Variants in RIN2 observed in about 807,000 individuals in gnomAD.
RIN2 encodes the protein Ras and Rab interactor 2.
RIN2 carries 36 observed loss-of-function variants against 78.0 expected under a neutral mutation model. That is an observed-to-expected ratio of 0.46 (90% CI 0.35 to 0.61). RIN2 has a LOEUF of 0.61. Ranked by LOEUF, RIN2 falls within the 20% of genes least tolerant of loss-of-function variation. RIN2 has a pLI of 0.00. For synonymous variants in RIN2, 466 were observed against 466.8 expected (o/e 1.00, Z 0.02); for missense variants, 1,087 against 1,159.7 (o/e 0.94, Z 0.91).
At position 20,000,895 on chromosome 20, in the gene RIN2, A is replaced by G. The variant is rs2146440842; in HGVS notation, c.2647A>G (p.Ile883Val). 1 of 1,613,492 alleles carries G rather than the reference A, an allele frequency of 6.2e-7. No homozygotes were observed. The highest frequency in any genetic ancestry group is 8.5e-7 in the Non-Finnish European group (1 of 1,179,518). Reference sequence around the variant, plus strand: ...ACGCATCAAGAACGATCCTTATGGCATCATTTTCCAGAACGGGGAAGAAGA... The same window carrying G: ...ACGCATCAAGAACGATCCTTATGGCGTCATTTTCCAGAACGGGGAAGAAGA... ...YKRIKNDPYGIIFQNGEEDLT... is the reference protein window; with the variant it reads ...YKRIKNDPYGVIFQNGEEDLT... The change falls in exon 13 of 13, where the codon ATC becomes GTC. Residue 883 changes from isoleucine (I) to valine (V), a missense_variant. Around this residue, in one of 8 missense-constraint regions of RIN2, gnomAD observed 160 missense variants for 179.4 expected, o/e 0.89. Coordinates refer to ENST00000255006, the MANE Select transcript of RIN2 (RefSeq NM_018993.4).
rs2042238535 is a variant in RIN2, at chr20:19,975,229, G to A, written c.1204G>A (p.Glu402Lys). The A allele has an allele frequency of 3.5e-5, 56 of 1,586,258 alleles. No individual in the cohort carries two copies. The highest frequency in any genetic ancestry group is 4.5e-5 in the Non-Finnish European group (52 of 1,166,502). The change falls in exon 9 of 13, where the codon GAG becomes AAG. Residue 402 changes from glutamate to lysine, a missense_variant. Around this residue, in one of 8 missense-constraint regions of RIN2, gnomAD observed 706 missense variants for 667.5 expected, o/e 1.06. Coordinates refer to ENST00000255006, the MANE Select transcript of RIN2 (RefSeq NM_018993.4). This position sits in a 1 kb window ranked among gnomAD's most constrained non-coding sequence, Gnocchi z 4.9. ...TGGCAGCCCAGGTGGGGCCCCGCCT[G>A]AGGCCGCCCCGGGGGATTGCACAAG... ...TAGSPGGAPP[E>K]AAPGDCTRAP...
rs908072671 is a variant in RIN2 at position 19,788,450 on chromosome 20, C to CAAAA, written c.-162-11170_-162-11169insAAAA. Among the ~76,000 whole-genome samples, 14 of 103,510 alleles carry CAAAA rather than the reference C, an allele frequency of 1.4e-4. 1 individual carries two copies. Among genetic ancestry groups the CAAAA allele is most frequent in the African/African-American group, 7.6e-4 (13 of 17,030 alleles). 67.9% of individuals were successfully genotyped at this position (103,510 alleles called of 152,430 possible). A position where few individuals can be genotyped will look rare whatever the true frequency, so the allele number is the denominator to read the frequency against. ...TCTCTGCCAAAAAAAAAAAAAAAAA[C>CAAAA]AACTAGCTAGGCATGGTGGCAGGCA... On this transcript the variant is annotated intron_variant, in intron 1 of 12. Coordinates refer to ENST00000255006, the MANE Select transcript of RIN2 (RefSeq NM_018993.4).
Position 19,975,432 on chromosome 20 carries a change from C to T in RIN2, c.1407C>T (p.Asp469=). 1 of 1,614,060 alleles carries T rather than the reference C, an allele frequency of 6.2e-7. No individual in the cohort carries two copies. The change falls in exon 9 of 13, where the codon GAC becomes GAT. Residue 469 remains aspartate, a synonymous_variant. Transcript: ENST00000255006. This position sits in a 1 kb window ranked among gnomAD's most constrained non-coding sequence, Gnocchi z 4.9. ...TGGAGGACTACGAGGGGGAAAGTGA[C>T]CAAGAGACCATGGCGCCCCCCATCA... ...SSLEDYEGES[D]QETMAPPIKS...
chr20:19,887,635 C>T (rs1443596755), intron 2 of RIN2, among the ~76,000 whole-genome samples: 1 of 152,148 alleles, frequency 6.6e-6, no homozygotes, highest in African/African-American at 2.4e-5. Context: ...TAAACTAGTA[C>T]ATTTCTGGAA....
chr20:19,864,373 T>C (rs896739254), intron 2 of RIN2, among the ~76,000 whole-genome samples: 2 of 152,176 alleles, frequency 1.3e-5, no homozygotes, highest in African/African-American at 4.8e-5. Flanking sequence ...CTGGTTCTTA[T>C]TAACACCAGA....
At chr20:19,869,842 AG>A (rs1299622577) in intron 2 of RIN2, among the ~76,000 whole-genome samples, 4 of 112,674 alleles carry the variant, frequency 3.6e-5, no homozygotes, top group Non-Finnish European at 5.5e-5. Flanking sequence ...ATTGTAGAGA[AG>A]GGGGTTCGCT....
At chr20:19,844,630 CTTCTTCTTCTTCTTCTTCTTCTT>C (rs2036693141) in intron 2 of RIN2, among the ~76,000 whole-genome samples, 1 of 128,716 alleles carries the variant, frequency 7.8e-6, no homozygotes, top group African/African-American at 3.6e-5. Context: ...TCTTCTTCTT[CTTCTTCTTCTTCTTCTTCTTCTT>C]CTTCTTCTTC....
chr20:19,804,834 GT>G (rs780052088), intron 2 of RIN2, among the ~76,000 whole-genome samples: 1 of 151,730 alleles, frequency 6.6e-6, no homozygotes, highest in Non-Finnish European at 1.5e-5. Context: ...GGTTTTTTTT[GT>G]TTTGTTTTGC....
At chr20:19,783,253 G>T (rs2034568792) in intron 1 of RIN2, among the ~76,000 whole-genome samples, 2 of 152,180 alleles carry the variant, frequency 1.3e-5, no homozygotes, top group African/African-American at 4.8e-5. Flanking sequence ...CTAAATTCCT[G>T]CTCATTTATT....
chr20:19,934,223 A>G (rs1481844230), intron 3 of RIN2, among the ~76,000 whole-genome samples: 1 of 152,280 alleles, frequency 6.6e-6, no homozygotes, highest in Non-Finnish European at 1.5e-5. Flanking sequence ...CGCTTATTTT[A>G]AAACAATAAT....
intron 3 of RIN2, among the ~76,000 whole-genome samples, chr20:19,914,849 T>A (rs140678976): frequency 7.2e-5 from 11 of 152,272 alleles, no homozygotes; most frequent in Non-Finnish European, 1.6e-4. Flanking sequence ...GTTAGCTATA[T>A]CCTAAATGAT....
At chr20:19,902,880 T>G (rs1370523965) in intron 3 of RIN2, among the ~76,000 whole-genome samples, 1 of 152,096 alleles carries the variant, frequency 6.6e-6, no homozygotes, top group Non-Finnish European at 1.5e-5. Context: ...GATCACAATG[T>G]CAGGAGATTG....
At chr20:19,977,145 C>T (rs555350586) in intron 9 of RIN2, among the ~76,000 whole-genome samples, 12 of 152,236 alleles carry the variant, frequency 7.9e-5, no homozygotes, top group African/African-American at 2.9e-4. Flanking sequence ...TCAGTATTAA[C>T]AGAAACCCAA....
chr20:19,958,534 G>T (rs1041096076), intron 5 of RIN2, among the ~76,000 whole-genome samples: 33 of 152,344 alleles, frequency 2.2e-4, no homozygotes, highest in Admixed American at 7.2e-4. Flanking sequence ...GTTGAGGGCA[G>T]GGCCAGGACA....
intron 1 of RIN2, among the ~76,000 whole-genome samples, chr20:19,767,901 G>C (rs1399597121): frequency 7.4e-6 from 1 of 134,494 alleles, no homozygotes; most frequent in Non-Finnish European, 1.6e-5. Context: ...CTCCAGCCTG[G>C]GCAACAGAGC....
Position 19,978,778 on chromosome 20 carries a change from C to G in RIN2, c.1762+2991C>G, listed in dbSNP as rs149577446. Among the ~76,000 whole-genome samples the G allele has an allele frequency of 9.2e-3, 1,401 of 152,286 alleles. 6 individuals are homozygous for G. Among genetic ancestry groups the G allele is most frequent in the Non-Finnish European group, 0.014 (940 of 68,010 alleles). ...TCATTCCAGGCCACATACTGGGCTT[C>G]CCTCCCAGAGAGCCATCACCTACTC... On this transcript the variant is annotated intron_variant, in intron 9 of 12. Transcript: ENST00000255006.
chr20:19,968,512 T>A (rs2042008538), intron 7 of RIN2, among the ~76,000 whole-genome samples: 2 of 152,148 alleles, frequency 1.3e-5, no homozygotes, highest in Admixed American at 1.3e-4. Context: ...GATGCTGGGA[T>A]GCACCCTGGC....
chr20:19,936,088 C>T (rs2040628708), intron 4 of RIN2, among the ~76,000 whole-genome samples: 2 of 152,226 alleles, frequency 1.3e-5, no homozygotes, highest in African/African-American at 2.4e-5. Context: ...CTAGTTCCGC[C>T]ATACGCTGAC....
In RIN2 at chr20:19,953,995, G is replaced by C. The variant is rs941503444; in HGVS notation, c.159-2620G>C. 9.8e-5 allele frequency among the ~76,000 whole-genome samples: 15 copies of C among 152,342 alleles called. No homozygotes were observed. The East Asian group carries it at 2.9e-3, about 29-fold the overall frequency. On this transcript the variant is annotated intron_variant, in intron 4 of 12. Transcript: ENST00000255006. ...TCACATATTTGAGAAGAAATAAAAA[G>C]ATAAATCTTGAATGAATGAGTGAGA...
Sources: gnomAD v4.1 joint callset for allele counts (sites outside exome capture counted in the v4.1 genomes callset) on GRCh38, gnomAD v4.1.1 for gene constraint, gnomAD v4.1.1 regional missense constraint, Gnocchi (gnomAD v3.1) non-coding constraint, MANE v1.5 for transcripts, NCBI Gene and HGNC (gene_info 2026-07-23, HGNC 2026-07-21) for gene names.